The following RAB11FIP4 variants were observed in gnomAD, a reference collection of about 807,000 sequenced individuals.
The protein encoded by RAB11FIP4 is RAB11 family interacting protein 4.
Under a neutral mutation model 74.3 loss-of-function variants are expected in RAB11FIP4, and 23 were observed. The ratio of observed to expected loss-of-function variants is 0.31; its 90% CI spans 0.22 to 0.44. The LOEUF (loss-of-function observed/expected upper bound fraction) is 0.44. Ranked by LOEUF, RAB11FIP4 falls within the 20% of genes least tolerant of loss-of-function variation. The pLI, the probability that RAB11FIP4 is intolerant of heterozygous loss-of-function variation, is 1.00. For synonymous variants in RAB11FIP4, 360 were observed against 359.9 expected, an observed-to-expected ratio of 1.00 and a Z score of 0.00; for missense variants, 630 against 863.9, an observed-to-expected ratio of 0.73 and a Z score of 3.39.
At chr17:31,528,071 C>A in intron 11 of RAB11FIP4, 148 bp downstream of exon 11, 1 of 695,892 alleles carries the variant, frequency 1.4e-6, no homozygotes, top group Non-Finnish European at 2.4e-6. Flanking sequence ...TCTGATTTTC[C>A]AAGTTTTCTA....
In RAB11FIP4 at chr17:31,391,740, T is replaced by G; in HGVS notation, c.-113T>G. ...GCCGCGGCCGCCACCGGGCGGAGGCTGCGCGGCGCAGACCCAGACGGGCGG... is the reference window on the plus strand; with the variant it reads ...GCCGCGGCCGCCACCGGGCGGAGGCGGCGCGGCGCAGACCCAGACGGGCGG... On this transcript the variant is annotated 5_prime_UTR_variant, in exon 1 of 15. Coordinates refer to ENST00000621161, the MANE Select transcript of RAB11FIP4 (RefSeq NM_032932.6). 1 of 819,400 alleles carries G rather than the reference T, an allele frequency of 1.2e-6. No homozygotes were observed. The highest frequency in any genetic ancestry group is 1.5e-6 in the Non-Finnish European group (1 of 681,032). 50.8% of individuals were successfully genotyped at this position (819,400 alleles called of 1,614,324 possible). A position where few individuals can be genotyped will look rare whatever the true frequency, so the allele number is the denominator to read the frequency against.
chr17:31,524,836 G>A lies in RAB11FIP4; in HGVS notation c.1134-254G>A, dbSNP rs912042732. ...AGGTGTGGCTGCAGGGACTGGTGGG[G>A]GCGGTCCCTCCCTGTGCTGCCCTGA... On this transcript the variant is annotated intron_variant, in intron 9 of 14. Transcript: ENST00000621161. The A allele has an allele frequency of 5.3e-6, 3 of 567,630 alleles. No individual in the cohort carries two copies. In the African/African-American group the frequency reaches 5.7e-5, roughly 11 times the overall value. 35.2% of individuals were successfully genotyped at this position (567,630 alleles called of 1,614,324 possible). A position where few individuals can be genotyped will look rare whatever the true frequency, so the allele number is the denominator to read the frequency against.
intron 3 of RAB11FIP4, among the ~76,000 whole-genome samples, chr17:31,457,300 T>C (rs1180900919): frequency 6.6e-6 from 1 of 152,058 alleles, no homozygotes; most frequent in East Asian, 1.9e-4. Context: ...TTGGTCCCTG[T>C]TTGTTCACTG....
In RAB11FIP4 at chr17:31,517,688, A is replaced by T; in HGVS notation, c.374A>T (p.Glu125Val). 6.2e-7 allele frequency: 1 copy of T among 1,607,944 alleles called. No homozygotes were observed. The highest frequency in any genetic ancestry group is 8.5e-7 in the Non-Finnish European group (1 of 1,177,898). ...ACAGGCCCCACCTTTGCTGATGGCG[A>T]GCTCATCCCCAGGGAACCCGGCTTT... ...EVTGPTFADG[E>V]LIPREPGFFP... is the part of the protein sequence containing the mutation. Residue 125 changes from glutamate to valine, a missense_variant, in exon 4 of 15, where the codon GAG becomes GTG. Physicochemically the swap from Glu to Val is moderately radical, Grantham distance 121 (BLOSUM62 -2). Transcript: ENST00000621161.
At chr17:31,445,560 ATATATATATATATATATATTTTTTTTT>A (rs1567658262) in intron 3 of RAB11FIP4, among the ~76,000 whole-genome samples, 299 of 14,468 alleles carry the variant, frequency 0.021, 19 homozygotes, top group African/African-American at 0.054. Flanking sequence ...ATATATATAT[ATATATATATATATATATATTTTTTTTT>A]TTTTTTTTTT....
In RAB11FIP4 at chr17:31,494,684, C is replaced by T. The variant is rs554198285; in HGVS notation, c.337-22967C>T. Among the ~76,000 whole-genome samples, 14 of 151,970 alleles carry T rather than the reference C, an allele frequency of 9.2e-5. 1 individual carries two copies. In the South Asian group the frequency reaches 2.1e-3, roughly 23 times the overall value. On this transcript the variant is annotated intron_variant, in intron 3 of 14. Coordinates refer to ENST00000621161, the MANE Select transcript of RAB11FIP4 (RefSeq NM_032932.6). The stretch of plus-strand genomic sequence containing the variant: ...TAGAAATGAGGTGTTACTATGTTAC[C>T]CAGGCTGATCTCGAATTCCTGCCCT...
chr17:31,397,659 G>A (rs2070943312), intron 1 of RAB11FIP4, among the ~76,000 whole-genome samples: 1 of 152,204 alleles, frequency 6.6e-6, no homozygotes, highest in Admixed American at 6.5e-5. Context: ...CTGTGCTCCT[G>A]AGGTTGGAGG....
At chr17:31,468,470 C>A (rs763267489) in intron 3 of RAB11FIP4, among the ~76,000 whole-genome samples, 1 of 152,178 alleles carries the variant, frequency 6.6e-6, no homozygotes, top group African/African-American at 2.4e-5. Context: ...AAGAGCAATG[C>A]ATTCTCTGGT....
intron 1 of RAB11FIP4, among the ~76,000 whole-genome samples, chr17:31,417,228 C>G (rs1294351051): frequency 6.6e-6 from 1 of 152,132 alleles, no homozygotes; most frequent in Admixed American, 6.5e-5. Context: ...GACTGTAAGG[C>G]CTCCAGAGTG....
intron 3 of RAB11FIP4, among the ~76,000 whole-genome samples, chr17:31,510,225 C>A (rs2072426551): frequency 6.6e-6 from 1 of 152,182 alleles, no homozygotes; most frequent in South Asian, 2.1e-4. Context: ...TAGGAAGGAC[C>A]CCGTGAGACC....
intron 3 of RAB11FIP4, among the ~76,000 whole-genome samples, chr17:31,453,334 C>T (rs2071543318): frequency 7.8e-6 from 1 of 128,388 alleles, no homozygotes; most frequent in Admixed American, 9.8e-5. Flanking sequence ...CCAGCCTGTA[C>T]CATAGAGAGA....
At chr17:31,436,954 AT>A (rs949245384) in intron 3 of RAB11FIP4, among the ~76,000 whole-genome samples, 12 of 149,440 alleles carry the variant, frequency 8.0e-5, no homozygotes, top group Middle Eastern at 7.0e-3. Context: ...TGCCCAGCTA[AT>A]TTTTTTTTGT....
rs1567692193 is a variant in RAB11FIP4, at chr17:31,523,931, T to A, written c.1068T>A (p.Asn356Lys). ...AAAAGAAGGTGACAGAGCTGGAGAA[T>A]GACAGCCTGACCAATGGGGACCTGA... ...FLEKKVTELE[N>K]DSLTNGDLKS... The change falls in exon 9 of 15, where the codon AAT (asparagine) becomes AAA (lysine). Residue 356 changes from asparagine to lysine, a missense_variant. Coordinates refer to ENST00000621161, the MANE Select transcript of RAB11FIP4 (RefSeq NM_032932.6). The A allele has an allele frequency of 6.2e-7, 1 of 1,612,254 alleles. No individual in the cohort carries two copies. The highest frequency in any genetic ancestry group is 8.5e-7 in the Non-Finnish European group (1 of 1,179,434).
chr17:31,437,861 G>A (rs2071374309), intron 3 of RAB11FIP4, among the ~76,000 whole-genome samples: 1 of 152,144 alleles, frequency 6.6e-6, no homozygotes, highest in South Asian at 2.1e-4. Context: ...CCAGACCTCA[G>A]GCCAGTGCAA....
intron 1 of RAB11FIP4, among the ~76,000 whole-genome samples, chr17:31,409,120 C>A (rs1228720289): frequency 6.6e-6 from 1 of 152,050 alleles, no homozygotes; most frequent in Non-Finnish European, 1.5e-5. Flanking sequence ...GGTGGTGGAG[C>A]CAGTAGGGAT....
rs545774098 is a variant in RAB11FIP4 at position 31,512,120 on chromosome 17, G to C, written c.337-5531G>C. ...GGGTGGGCGTCCCTCCTGGCTGCTC[G>C]TCTGTCCAGGACATTGCTGGCTGAC... On this transcript the variant is annotated intron_variant, in intron 3 of 14. Coordinates refer to ENST00000621161, the MANE Select transcript of RAB11FIP4 (RefSeq NM_032932.6). The surrounding 1 kb of genome is among the most constrained non-coding windows in gnomAD (Gnocchi z 4.1). Among the ~76,000 whole-genome samples, 3 of 152,172 alleles carry C rather than the reference G, an allele frequency of 2.0e-5. No individual in the cohort carries two copies. Among genetic ancestry groups the C allele is most frequent in the African/African-American group, 7.2e-5 (3 of 41,438 alleles).
chr17:31,479,934 G>T (rs2071830297), intron 3 of RAB11FIP4, among the ~76,000 whole-genome samples: 1 of 152,096 alleles, frequency 6.6e-6, no homozygotes, highest in African/African-American at 2.4e-5. Flanking sequence ...TGTTTATATA[G>T]GCCTAGATAA....
chr17:31,479,365 T>TC (rs2071824931), intron 3 of RAB11FIP4, among the ~76,000 whole-genome samples: 1 of 152,174 alleles, frequency 6.6e-6, no homozygotes, highest in African/African-American at 2.4e-5. Context: ...AGAAAAGGCT[T>TC]CCGCTAATTC....
chr17:31,445,531 T>TACA (rs1401635135), intron 3 of RAB11FIP4, among the ~76,000 whole-genome samples: 2 of 20,692 alleles, frequency 9.7e-5, no homozygotes, highest in African/African-American at 6.5e-4. Context: ...TTTTCCCAAT[T>TACA]TTATATATAT....
Sources: gnomAD v4.1 joint callset for allele counts (sites outside exome capture counted in the v4.1 genomes callset) on GRCh38, gnomAD v4.1.1 for gene constraint, Gnocchi (gnomAD v3.1) non-coding constraint, MANE v1.5 for transcripts, NCBI Gene and HGNC (gene_info 2026-07-23, HGNC 2026-07-21) for gene names.